CSMD1: variants seen among roughly 807,000 people sequenced by gnomAD.
The protein encoded by CSMD1 is CUB and sushi domain-containing protein 1.
CSMD1 carries 213 observed loss-of-function variants against 417.5 expected under a neutral mutation model. The ratio of observed to expected loss-of-function variants is 0.51; its 90% CI spans 0.46 to 0.57. The LOEUF (loss-of-function observed/expected upper bound fraction) is 0.57, where lower values mean the gene tolerates loss of function less well. Ranked by LOEUF, CSMD1 falls within the 20% of genes least tolerant of loss-of-function variation. CSMD1 has a pLI of 0.00. For missense variants in CSMD1, 6,923 were observed against 4,529.7 expected (o/e 1.53, Z -15.17); for synonymous variants, 2,862 against 1,736.8 (o/e 1.65, Z -16.11).
intron 1 of CSMD1, among the ~76,000 whole-genome samples, chr8:4,927,043 T>G (rs1042576804): frequency 6.6e-6 from 1 of 151,478 alleles, no homozygotes; most frequent in Non-Finnish European, 1.5e-5. Flanking sequence ...GCTTCAGCAT[T>G]CCTTTTAATG....
chr8:3,592,222 G>A (rs147477120), intron 8 of CSMD1, among the ~76,000 whole-genome samples: 1 of 152,012 alleles, frequency 6.6e-6, no homozygotes, highest in Non-Finnish European at 1.5e-5. Flanking sequence ...CAAGTGGATA[G>A]ATAGATACAT....
chr8:4,147,398 C>G (rs1283716376), intron 3 of CSMD1, among the ~76,000 whole-genome samples: 1 of 152,078 alleles, frequency 6.6e-6, no homozygotes, highest in Non-Finnish European at 1.5e-5. Flanking sequence ...CTGCCTTCCC[C>G]ACATGCTGCC....
chr8:3,146,957 T>G (rs11987312), intron 40 of CSMD1, among the ~76,000 whole-genome samples: 1 of 152,124 alleles, frequency 6.6e-6, no homozygotes, highest in Non-Finnish European at 1.5e-5. Flanking sequence ...AGATTCATAA[T>G]ACCCAATAAA....
intron 1 of CSMD1, among the ~76,000 whole-genome samples, chr8:4,699,014 C>G (rs1388331542): frequency 6.6e-6 from 1 of 152,024 alleles, no homozygotes; most frequent in African/African-American, 2.4e-5. Context: ...TCTCCACTAT[C>G]TATGCCTTTC....
intron 3 of CSMD1, among the ~76,000 whole-genome samples, chr8:4,415,011 G>C (rs1225708075): frequency 6.6e-6 from 1 of 152,162 alleles, no homozygotes; most frequent in Non-Finnish European, 1.5e-5. Context: ...TCACATAGAA[G>C]CATAGGCAAG....
At chr8:4,287,890 C>G (rs1348941347) in intron 3 of CSMD1, among the ~76,000 whole-genome samples, 4 of 151,974 alleles carry the variant, frequency 2.6e-5, no homozygotes, top group Admixed American at 2.0e-4. Flanking sequence ...CAGGACATCC[C>G]AGGTTGCTCT....
At chr8:4,355,181 G>T (rs1204877118) in intron 3 of CSMD1, among the ~76,000 whole-genome samples, 3 of 152,092 alleles carry the variant, frequency 2.0e-5, no homozygotes, top group Non-Finnish European at 4.4e-5. Context: ...AGAATGGCGT[G>T]AACCTGGGAG....
chr8:3,448,200 T>A (rs1815425133), intron 12 of CSMD1, among the ~76,000 whole-genome samples: 1 of 149,552 alleles, frequency 6.7e-6, no homozygotes, highest in South Asian at 2.2e-4. Flanking sequence ...ATAAAAAGCC[T>A]GTCTGTGTTT....
At chr8:4,291,229 TATG>T (rs1280097090) in intron 3 of CSMD1, among the ~76,000 whole-genome samples, 6 of 149,790 alleles carry the variant, frequency 4.0e-5, no homozygotes, top group Admixed American at 2.6e-4. Flanking sequence ...ATAATATGCT[TATG>T]ATATGTGCAA....
intron 25 of CSMD1, among the ~76,000 whole-genome samples, chr8:3,295,910 C>CT (rs1339781908): frequency 6.6e-6 from 1 of 152,048 alleles, no homozygotes; most frequent in East Asian, 1.9e-4. Context: ...CAAGAGTGTA[C>CT]TGAGTGCACC....
rs1314287502 is a variant in CSMD1, at chr8:3,367,234, G to A, written c.2913C>T (p.Ile971=). ...AACTCTCAAGATGAAAGGTGTGAAA[G>A]ATCATTTGAACTCCTGAGAAATGAA... ...EVSHGKGVQM[I]FHTFHLESSH... The change falls in exon 20 of 70, where the codon ATC becomes ATT. Residue 971 remains isoleucine, a synonymous_variant. Transcript: ENST00000635120. 1.2e-6 allele frequency: 2 copies of A among 1,611,164 alleles called. No homozygotes were observed. The highest frequency in any genetic ancestry group is 1.7e-6 in the Non-Finnish European group (2 of 1,178,394).
intron 4 of CSMD1, among the ~76,000 whole-genome samples, chr8:4,003,589 T>TA (rs1204051549): frequency 2.0e-5 from 3 of 152,138 alleles, no homozygotes; most frequent in South Asian, 2.1e-4. Flanking sequence ...GCATTCAAAT[T>TA]AAAACAACAC....
chr8:4,761,419 A>C (rs1035536357), intron 1 of CSMD1, among the ~76,000 whole-genome samples: 1 of 152,080 alleles, frequency 6.6e-6, no homozygotes, highest in Non-Finnish European at 1.5e-5. Context: ...TATACACACA[A>C]TTACATAAAA....
intron 2 of CSMD1, among the ~76,000 whole-genome samples, chr8:4,465,912 C>T (rs929189547): frequency 6.6e-6 from 1 of 152,094 alleles, no homozygotes; most frequent in Non-Finnish European, 1.5e-5. Flanking sequence ...AACTCACAGC[C>T]ATAGAAGAAG....
intron 3 of CSMD1, among the ~76,000 whole-genome samples, chr8:4,268,381 A>C (rs1804356412): frequency 6.6e-6 from 1 of 152,172 alleles, no homozygotes; most frequent in African/African-American, 2.4e-5. Context: ...ACACTTAGTT[A>C]ATTCTCTCAA....
intron 7 of CSMD1, among the ~76,000 whole-genome samples, chr8:3,630,506 T>A (rs1796728369): frequency 6.6e-6 from 1 of 152,190 alleles, no homozygotes; most frequent in African/African-American, 2.4e-5. Flanking sequence ...CCAATTTATA[T>A]GTTAAACAGT....
chr8:4,451,938 T>C (rs1799171340), intron 2 of CSMD1, among the ~76,000 whole-genome samples: 1 of 148,300 alleles, frequency 6.7e-6, no homozygotes. Context: ...ATTTAATGTA[T>C]ATTATTATAT....
chr8:4,677,925 C>G (rs1202270797), intron 1 of CSMD1, among the ~76,000 whole-genome samples: 1 of 152,022 alleles, frequency 6.6e-6, no homozygotes, highest in East Asian at 1.9e-4. Flanking sequence ...TATATTGATT[C>G]CGTAGGTATA....
chr8:3,030,579 C>T (rs1056664303), intron 50 of CSMD1, among the ~76,000 whole-genome samples: 1 of 151,920 alleles, frequency 6.6e-6, no homozygotes, highest in African/African-American at 2.4e-5. Context: ...CGGGTTCAAG[C>T]GATTCTCCTG....
Sources: gnomAD v4.1 joint callset for allele counts (sites outside exome capture counted in the v4.1 genomes callset) on GRCh38, gnomAD v4.1.1 for gene constraint, MANE v1.5 for transcripts, NCBI Gene and HGNC (gene_info 2026-07-23, HGNC 2026-07-21) for gene names.